Variants in MAPK10 observed in about 807,000 individuals in gnomAD.
MAPK10 encodes the protein JNK3 alpha protein kinase.
In MAPK10, 25 loss-of-function variants were observed where a neutral mutation model predicts 59.3. The observed-to-expected ratio is 0.42, with a 90% CI of 0.31 to 0.59. MAPK10 has a LOEUF of 0.59. Among genes scored for constraint, MAPK10 ranks in the 20% least tolerant of loss-of-function variants. The pLI is 0.15. For missense variants in MAPK10, 351 were observed against 568.9 expected (o/e 0.62, Z 3.90); for synonymous variants, 190 against 200.5 (o/e 0.95, Z 0.44).
intron 1 of MAPK10, among the ~76,000 whole-genome samples, chr4:86,518,699 G>A (rs898391136): frequency 1.3e-5 from 2 of 149,722 alleles, no homozygotes; most frequent in African/African-American, 4.9e-5. Context: ...TTTGAGATGT[G>A]AGCTTAGATT....
At chr4:86,396,052 A>G (rs1388328882) in intron 1 of MAPK10, among the ~76,000 whole-genome samples, 10 of 152,236 alleles carry the variant, frequency 6.6e-5, no homozygotes, top group Non-Finnish European at 1.2e-4. Flanking sequence ...AACCTAAGAA[A>G]GTAGTGTTTC....
chr4:86,221,423 A>G (rs2089543498), intron 2 of MAPK10, among the ~76,000 whole-genome samples: 3 of 152,110 alleles, frequency 2.0e-5, no homozygotes. Context: ...AAGGAGGCAC[A>G]TTGATATGGT....
chr4:86,389,644 T>A (rs1009730325), intron 1 of MAPK10, among the ~76,000 whole-genome samples: 10 of 151,444 alleles, frequency 6.6e-5, no homozygotes, highest in African/African-American at 2.4e-4. Flanking sequence ...GAATGAAGAA[T>A]TGTCCTGTGT....
intron 1 of MAPK10, among the ~76,000 whole-genome samples, chr4:86,411,846 T>A (rs1745214884): frequency 6.6e-6 from 1 of 152,218 alleles, no homozygotes; most frequent in Non-Finnish European, 1.5e-5. Flanking sequence ...GTCTTGACTC[T>A]TTATCCAGTT....
intron 11 of MAPK10, among the ~76,000 whole-genome samples, chr4:86,033,817 A>G (rs2039608812): frequency 6.6e-6 from 1 of 152,236 alleles, no homozygotes. Context: ...GAAAGGGCAC[A>G]TTCACATACA....
At chr4:86,292,304 T>A (rs181896032) in intron 2 of MAPK10, among the ~76,000 whole-genome samples, 1 of 152,320 alleles carries the variant, frequency 6.6e-6, no homozygotes, top group East Asian at 1.9e-4. Flanking sequence ...TCCATATCTC[T>A]AGCACAAATT....
chr4:86,381,325 C>T (rs1196008936), intron 1 of MAPK10, among the ~76,000 whole-genome samples: 1 of 152,164 alleles, frequency 6.6e-6, no homozygotes, highest in African/African-American at 2.4e-5. Flanking sequence ...CACGTGTTTG[C>T]CTTCTCTCTG....
intron 9 of MAPK10, among the ~76,000 whole-genome samples, chr4:86,086,189 TA>T (rs1165557878): frequency 6.6e-6 from 1 of 151,908 alleles, no homozygotes; most frequent in Non-Finnish European, 1.5e-5. Context: ...AAAATTAATT[TA>T]AAAAATCAAA....
chr4:86,217,216 A>T (rs1021101262), intron 2 of MAPK10, among the ~76,000 whole-genome samples: 1 of 152,172 alleles, frequency 6.6e-6, no homozygotes, highest in Non-Finnish European at 1.5e-5. Context: ...TTTCTCCCCT[A>T]GTTCTTCCTA....
At chr4:86,310,272 A>G (rs1231397073) in intron 2 of MAPK10, among the ~76,000 whole-genome samples, 3 of 152,256 alleles carry the variant, frequency 2.0e-5, no homozygotes, top group Non-Finnish European at 4.4e-5. Flanking sequence ...ACATGTCAGG[A>G]TTTCCTGAGG....
At chr4:86,395,076 AC>A (rs11339874) in intron 1 of MAPK10, among the ~76,000 whole-genome samples, 152,320 of 152,320 alleles carry the variant, frequency 1, 76,160 homozygotes, top group Non-Finnish European at 1. Context: ...GTCAATAAAA[AC>A]CCCAGTATGT....
chr4:86,482,983 G>C (rs1482070974), intron 1 of MAPK10, among the ~76,000 whole-genome samples: 1 of 152,148 alleles, frequency 6.6e-6, no homozygotes, highest in Non-Finnish European at 1.5e-5. Flanking sequence ...GAGAGAGAAA[G>C]AATTGCAGCT....
At chr4:86,097,072 A>C (rs1374127217) in intron 9 of MAPK10, among the ~76,000 whole-genome samples, 1 of 152,034 alleles carries the variant, frequency 6.6e-6, no homozygotes, top group Non-Finnish European at 1.5e-5. Context: ...ATTTAACCCA[A>C]TATATTCATA....
intron 1 of MAPK10, chr4:86,357,847 TAAG>T (rs1224797218): frequency 6.5e-6 from 1 of 153,346 alleles, no homozygotes; most frequent in Non-Finnish European, 1.4e-5. Flanking sequence ...GAGGATTTTT[TAAG>T]AACAGGAGCC....
chr4:86,075,932 T>C (rs6842186), intron 9 of MAPK10, among the ~76,000 whole-genome samples: 67,233 of 151,080 alleles, frequency 0.45, 15,626 homozygotes, highest in African/African-American at 0.56. Context: ...CCAGTTCGAG[T>C]TTCCAGGCTG....
At chr4:86,198,554 T>G (rs2081925321) in intron 2 of MAPK10, among the ~76,000 whole-genome samples, 1 of 152,052 alleles carries the variant, frequency 6.6e-6, no homozygotes, top group African/African-American at 2.4e-5. Flanking sequence ...CTCTCCAGCG[T>G]TCTCAACAAT....
chr4:86,248,109 C>T (rs922752277), intron 2 of MAPK10, among the ~76,000 whole-genome samples: 18 of 152,110 alleles, frequency 1.2e-4, no homozygotes, highest in Non-Finnish European at 1.9e-4. Context: ...AAGCAAAAAG[C>T]GCAAAGAAGT....
intron 1 of MAPK10, among the ~76,000 whole-genome samples, chr4:86,440,133 CTA>C (rs1749238666): frequency 6.6e-6 from 1 of 152,176 alleles, no homozygotes; most frequent in African/African-American, 2.4e-5. Context: ...AAGATATAGA[CTA>C]TATGTGTCTC....
chr4:86,031,205 C>T (rs1434571324), intron 12 of MAPK10, among the ~76,000 whole-genome samples, 163 bp downstream of exon 12: 4 of 152,056 alleles, frequency 2.6e-5, no homozygotes, highest in Non-Finnish European at 4.4e-5. Flanking sequence ...ACATTGCTTT[C>T]GGCATGAAAA....
Sources: allele counts gnomAD v4.1 joint callset (sites outside exome capture counted in the v4.1 genomes callset), GRCh38; gene constraint gnomAD v4.1.1; transcripts MANE v1.5; gene names NCBI Gene and HGNC (gene_info 2026-07-23, HGNC 2026-07-21).